Variants in SAMD12 observed in about 807,000 individuals in gnomAD.
SAMD12 encodes the protein sterile alpha motif domain-containing protein 12.
A neutral mutation model predicts 15.0 loss-of-function variants in SAMD12; 9 were observed. The ratio of observed to expected loss-of-function variants is 0.60; its 90% CI spans 0.36 to 1.05. The LOEUF is 1.05. Ranked by LOEUF, SAMD12 falls within the 50% of genes least tolerant of loss-of-function variation. The pLI is 0.01. For missense variants in SAMD12, 230 were observed against 234.2 expected (o/e 0.98, Z 0.12); for synonymous variants, 86 against 90.1 (o/e 0.96, Z 0.25).
chr8:118,581,149 A>G (rs1292192158), intron 1 of SAMD12, among the ~76,000 whole-genome samples: 1 of 152,200 alleles, frequency 6.6e-6, no homozygotes, highest in Non-Finnish European at 1.5e-5. Flanking sequence ...AGCAACTTAC[A>G]AATCCAAATG....
At chr8:118,595,870 CCATTTTAAG>C (rs1827710871) in intron 1 of SAMD12, among the ~76,000 whole-genome samples, 1 of 152,210 alleles carries the variant, frequency 6.6e-6, no homozygotes, top group Admixed American at 6.5e-5. Flanking sequence ...TCTATGGGCA[CCATTTTAAG>C]CATTTTACAT....
At chr8:118,523,857 C>A (rs1038109729) in intron 2 of SAMD12, among the ~76,000 whole-genome samples, 3 of 152,074 alleles carry the variant, frequency 2.0e-5, no homozygotes, top group Non-Finnish European at 4.4e-5. Flanking sequence ...CCTAACCTCC[C>A]ACCATCAACT....
the SAMD12 span, among the ~76,000 whole-genome samples, chr8:118,168,321 C>T: frequency 1.3e-5 from 2 of 152,136 alleles, no homozygotes; most frequent in African/African-American, 4.8e-5. Context: ...TCCCCCATCT[C>T]CCTCCCTCCT....
the SAMD12 span, among the ~76,000 whole-genome samples, chr8:118,132,680 C>A: frequency 6.6e-6 from 1 of 152,068 alleles, no homozygotes; most frequent in Non-Finnish European, 1.5e-5. Context: ...CACAGCAACA[C>A]CTGCTGCATC....
At chr8:118,382,784 T>C (rs1325228402) in intron 3 of SAMD12, among the ~76,000 whole-genome samples, 1 of 152,196 alleles carries the variant, frequency 6.6e-6, no homozygotes, top group Non-Finnish European at 1.5e-5. Flanking sequence ...TTATCTTCCT[T>C]GGTAGGAAAA....
rs28370844 is a variant in SAMD12, at chr8:118,241,417, C to T, written c.434-43685G>A. 5.5e-3 allele frequency among the ~76,000 whole-genome samples: 843 copies of T among 152,248 alleles called. 11 individuals carry two copies. The highest frequency in any genetic ancestry group is 0.019 in the African/African-American group (807 of 41,552). ...GCCTTTTAGCACACTAACACCTCTG[C>T]CTCTTTTAAGACCATTGAGCTTACT... On this transcript the variant is annotated intron_variant, in intron 4 of 4. Transcript: ENST00000409003.
At chr8:118,234,661 A>G (rs1812387456) in intron 4 of SAMD12, among the ~76,000 whole-genome samples, 1 of 149,140 alleles carries the variant, frequency 6.7e-6, no homozygotes, top group Non-Finnish European at 1.5e-5. Flanking sequence ...CCGTGAGACA[A>G]GATCATGCCA....
chr8:118,470,255 TTTAA>T (rs1266385786), intron 2 of SAMD12, among the ~76,000 whole-genome samples: 22 of 145,034 alleles, frequency 1.5e-4, no homozygotes, highest in African/African-American at 6.3e-4. Context: ...TTTTTTTTTT[TTTAA>T]AAAAAAAGGA....
chr8:118,621,863 ACTC>A lies in SAMD12; in HGVS notation c.-50_-48del. 6.2e-7 allele frequency: 1 copy of A among 1,604,936 alleles called. No homozygotes were observed. The highest frequency in any genetic ancestry group is 8.5e-7 in the Non-Finnish European group (1 of 1,171,946). On this transcript the variant is annotated 5_prime_UTR_variant, in exon 1 of 4. Transcript: ENST00000314727. ...CATGCATAATTTTCTTGGCCGAGGTACTCCTCCTGCCCCGCGCTCCCCCCTTCC... is the reference window on the plus strand; with the variant it reads ...CATGCATAATTTTCTTGGCCGAGGTACTCCTGCCCCGCGCTCCCCCCTTCC...
At chr8:118,352,035 C>T (rs568308155) in intron 4 of SAMD12, among the ~76,000 whole-genome samples, 3 of 152,312 alleles carry the variant, frequency 2.0e-5, no homozygotes, top group Non-Finnish European at 4.4e-5. Context: ...CTTGCAACCA[C>T]AAGAATCCTA....
chr8:118,536,947 T>A (rs1016121193), intron 2 of SAMD12, among the ~76,000 whole-genome samples: 6 of 152,244 alleles, frequency 3.9e-5, no homozygotes, highest in African/African-American at 1.4e-4. Context: ...CCTTAGTATT[T>A]CTTGTAGGAC....
intron 4 of SAMD12, among the ~76,000 whole-genome samples, chr8:118,199,955 C>T (rs1384096870): frequency 2.0e-5 from 3 of 152,154 alleles, no homozygotes; most frequent in South Asian, 2.1e-4. Context: ...ATAATTCCCA[C>T]GCATTGTGGG....
At chr8:118,480,398 T>C (rs7004764) in intron 2 of SAMD12, among the ~76,000 whole-genome samples, 87,869 of 152,062 alleles carry the variant, frequency 0.58, 25,835 homozygotes, top group Non-Finnish European at 0.62. Context: ...TACAGATTTA[T>C]CATCAAATAT....
chr8:118,473,262 C>A (rs989044164), intron 2 of SAMD12, among the ~76,000 whole-genome samples: 6 of 152,208 alleles, frequency 3.9e-5, no homozygotes, highest in Non-Finnish European at 5.9e-5. Flanking sequence ...CTTGCTCTGT[C>A]CCCTGGTGGT....
intron 4 of SAMD12, among the ~76,000 whole-genome samples, chr8:118,340,372 T>A (rs527899865): frequency 1.3e-5 from 2 of 152,320 alleles, no homozygotes; most frequent in African/African-American, 4.8e-5. Context: ...GTATTTCAAG[T>A]AGACATTTTA....
intron 4 of SAMD12, among the ~76,000 whole-genome samples, chr8:118,361,959 T>C (rs1454594176): frequency 6.6e-6 from 1 of 152,220 alleles, no homozygotes; most frequent in Non-Finnish European, 1.5e-5. Context: ...GACATTTTCA[T>C]TTAATTAAGG....
chr8:118,486,230 C>G (rs373654545), intron 2 of SAMD12, among the ~76,000 whole-genome samples: 24 of 151,132 alleles, frequency 1.6e-4, no homozygotes, highest in African/African-American at 4.9e-4. Flanking sequence ...CTGGCTAACA[C>G]GGTGAAACTC....
intron 2 of SAMD12, among the ~76,000 whole-genome samples, chr8:118,460,530 C>G (rs1823385012): frequency 6.6e-6 from 1 of 152,004 alleles, no homozygotes. Flanking sequence ...ACTGTCTGCA[C>G]AAGTGAATGT....
intron 4 of SAMD12, among the ~76,000 whole-genome samples, chr8:118,209,337 C>T (rs1819954177): frequency 6.6e-6 from 1 of 152,228 alleles, no homozygotes; most frequent in Admixed American, 6.5e-5. Flanking sequence ...CTTCAGCTCT[C>T]AGCAGGTTAC....
Sources: gnomAD v4.1 joint callset for allele counts (sites outside exome capture counted in the v4.1 genomes callset) on GRCh38, gnomAD v4.1.1 for gene constraint, MANE v1.5 for transcripts, NCBI Gene and HGNC (gene_info 2026-07-23, HGNC 2026-07-21) for gene names.